SRPK2: variants seen among roughly 807,000 people sequenced by gnomAD.
SRPK2 encodes SFRS protein kinase 2.
SRPK2 carries 21 observed loss-of-function variants against 90.8 expected under a neutral mutation model. The observed-to-expected ratio is 0.23, with a 90% CI of 0.16 to 0.33. The LOEUF is 0.33. Ranked by LOEUF, SRPK2 falls within the 10% of genes least tolerant of loss-of-function variation. The pLI is 1.00. For missense variants in SRPK2, 620 were observed against 869.0 expected (o/e 0.71, Z 3.60); for synonymous variants, 288 against 311.1 (o/e 0.93, Z 0.78).
At chr7:105,261,426 C>G (rs1224505521) in intron 2 of SRPK2, among the ~76,000 whole-genome samples, 1 of 151,796 alleles carries the variant, frequency 6.6e-6, no homozygotes, top group Non-Finnish European at 1.5e-5. Flanking sequence ...GAGGCTGAGG[C>G]AGGAGAATGG....
chr7:105,247,730 T>G (rs906564529), intron 2 of SRPK2, among the ~76,000 whole-genome samples: 14 of 152,026 alleles, frequency 9.2e-5, no homozygotes, highest in Non-Finnish European at 1.8e-4. Context: ...TAAAAAAAAG[T>G]TTTTTATTTT....
Position 105,201,404 on chromosome 7 carries a change from A to T in SRPK2, c.229+2224T>A, listed in dbSNP as rs56676421. 3.1e-3 allele frequency among the ~76,000 whole-genome samples: 468 copies of T among 152,258 alleles called. 14 individuals are homozygous for T. In the East Asian group the frequency reaches 0.062, roughly 20 times the overall value. On this transcript the variant is annotated intron_variant, in intron 3 of 15. Transcript: ENST00000393651. ...AGAGTTCAGTGAATGTTACCTAGAAACAGCCCCGGCTGTGGAATACTTTAT... is the reference window on the plus strand; with the variant it reads ...AGAGTTCAGTGAATGTTACCTAGAATCAGCCCCGGCTGTGGAATACTTTAT...
intron 2 of SRPK2, among the ~76,000 whole-genome samples, chr7:105,346,583 G>C (rs1816484699): frequency 6.6e-6 from 1 of 151,988 alleles, no homozygotes; most frequent in South Asian, 2.1e-4. Flanking sequence ...GTGAAACCCT[G>C]TCTCTACTAA....
intron 2 of SRPK2, among the ~76,000 whole-genome samples, chr7:105,340,252 A>T (rs1199366060): frequency 7.8e-6 from 1 of 127,732 alleles, no homozygotes; most frequent in Non-Finnish European, 1.7e-5. Context: ...GTACCACAAA[A>T]TACAATGACT....
chr7:105,372,363 C>T (rs995092965), intron 2 of SRPK2, among the ~76,000 whole-genome samples: 2 of 152,070 alleles, frequency 1.3e-5, no homozygotes, highest in African/African-American at 4.8e-5. Context: ...CATAAGTAGA[C>T]ATTTGACTAT....
chr7:105,266,737 T>C (rs192063319), intron 2 of SRPK2, among the ~76,000 whole-genome samples: 219 of 152,254 alleles, frequency 1.4e-3, no homozygotes, highest in African/African-American at 5.1e-3. Flanking sequence ...CTACATGATA[T>C]TGTAAGGTGT....
chr7:105,166,236 G>C (rs1790042541), intron 6 of SRPK2, among the ~76,000 whole-genome samples: 1 of 152,138 alleles, frequency 6.6e-6, no homozygotes, highest in Non-Finnish European at 1.5e-5. Context: ...ATCTGAAACT[G>C]AACAACTAAA....
chr7:105,321,638 G>T (rs1005546991), intron 2 of SRPK2, among the ~76,000 whole-genome samples: 2 of 152,040 alleles, frequency 1.3e-5, no homozygotes, highest in African/African-American at 4.8e-5. Flanking sequence ...ATGAGCGAAA[G>T]ATTTTAATAG....
intron 2 of SRPK2, among the ~76,000 whole-genome samples, chr7:105,276,736 T>C (rs1806548381): frequency 6.6e-6 from 1 of 152,084 alleles, no homozygotes; most frequent in Admixed American, 6.5e-5. Context: ...AGAATCTGTC[T>C]GAAAAGAAAA....
At chr7:105,268,771 AC>A in intron 2 of SRPK2, 1 of 1,575,520 alleles carries the variant, frequency 6.3e-7, no homozygotes, top group Non-Finnish European at 8.7e-7. Flanking sequence ...GCAATGCTAC[AC>A]CATTAATTGT....
intron 3 of SRPK2, among the ~76,000 whole-genome samples, chr7:105,186,463 T>C (rs55638165): frequency 0.013 from 1,933 of 152,356 alleles, 35 homozygotes; most frequent in African/African-American, 0.044. Flanking sequence ...TTTCAGTTTC[T>C]AAGTTTTTTC....
chr7:105,183,174 CT>C (rs574721105), intron 3 of SRPK2, among the ~76,000 whole-genome samples: 76 of 152,210 alleles, frequency 5.0e-4, no homozygotes, highest in African/African-American at 1.7e-3. Flanking sequence ...GACTAATCAT[CT>C]TTTTTTGTCA....
intron 2 of SRPK2, among the ~76,000 whole-genome samples, chr7:105,315,062 A>G (rs1812164363): frequency 6.6e-6 from 1 of 152,202 alleles, no homozygotes. Context: ...AGATCACTTG[A>G]GCACAGGAGT....
At chr7:105,315,543 G>A (rs1312847385) in intron 2 of SRPK2, among the ~76,000 whole-genome samples, 1 of 152,140 alleles carries the variant, frequency 6.6e-6, no homozygotes, top group African/African-American at 2.4e-5. Flanking sequence ...TTGCTGCCAG[G>A]CAAACATGAG....
At chr7:105,309,484 A>G (rs1811477077) in intron 2 of SRPK2, among the ~76,000 whole-genome samples, 2 of 152,252 alleles carry the variant, frequency 1.3e-5, no homozygotes, top group Admixed American at 1.3e-4. Context: ...CTACACATAC[A>G]CATGAGTATC....
At chr7:105,128,754 G>A (rs576423564) in intron 13 of SRPK2, among the ~76,000 whole-genome samples, 4 of 152,256 alleles carry the variant, frequency 2.6e-5, no homozygotes, top group Non-Finnish European at 5.9e-5. Flanking sequence ...TTAGAGAAGG[G>A]ACCTCGCTAT....
chr7:105,291,706 G>A (rs1400689072), intron 2 of SRPK2, among the ~76,000 whole-genome samples: 2 of 152,002 alleles, frequency 1.3e-5, no homozygotes, highest in Non-Finnish European at 2.9e-5. Flanking sequence ...CTCCAGCCTG[G>A]GCAACAGAAC....
intron 14 of SRPK2, 90 bp downstream of exon 14, chr7:105,126,900 GGCT>G: frequency 8.0e-7 from 1 of 1,244,418 alleles, no homozygotes; most frequent in Non-Finnish European, 1.1e-6. Flanking sequence ...CCAAACACAT[GGCT>G]CTATTTCAGT....
chr7:105,159,307 G>A (rs540578629), intron 7 of SRPK2, among the ~76,000 whole-genome samples: 1 of 151,824 alleles, frequency 6.6e-6, no homozygotes, highest in Non-Finnish European at 1.5e-5. Context: ...GCAACACGGT[G>A]AAACCCTGTC....
Sources: gnomAD v4.1 joint callset for allele counts (sites outside exome capture counted in the v4.1 genomes callset) on GRCh38, gnomAD v4.1.1 for gene constraint, MANE v1.5 for transcripts, NCBI Gene and HGNC (gene_info 2026-07-23, HGNC 2026-07-21) for gene names.